NAV1: variants seen among roughly 807,000 people sequenced by gnomAD.
NAV1 encodes pore membrane and/or filament interacting like protein 3.
A neutral mutation model predicts 175.2 loss-of-function variants in NAV1; 18 were observed. That is an observed-to-expected ratio of 0.10 (90% CI 0.07 to 0.15). The LOEUF (loss-of-function observed/expected upper bound fraction) is 0.15, where lower values mean the gene tolerates loss of function less well. Ranked by LOEUF, NAV1 falls within the 10% of genes least tolerant of loss-of-function variation. The pLI is 1.00. For synonymous variants in NAV1, 897 were observed against 978.7 expected, an observed-to-expected ratio of 0.92 and a Z score of 1.56; for missense variants, 1,731 against 2,436.6, an observed-to-expected ratio of 0.71 and a Z score of 6.10.
intron 3 of NAV1, among the ~76,000 whole-genome samples, chr1:201,756,251 G>A (rs115353114): frequency 6.6e-6 from 1 of 152,048 alleles, no homozygotes; most frequent in Non-Finnish European, 1.5e-5. Context: ...ACAAATATGG[G>A]CATAATGCAG....
intron 1 of NAV1, among the ~76,000 whole-genome samples, chr1:201,582,309 C>T (rs995804918): frequency 1.3e-5 from 2 of 152,116 alleles, no homozygotes; most frequent in Non-Finnish European, 1.5e-5. Context: ...GAAGAGCTGA[C>T]GAGTCAAACA....
At position 201,815,039 on chromosome 1, in the gene NAV1, CA is replaced by C. The variant is rs554042432; in HGVS notation, c.5340+1798del. On this transcript the variant is annotated intron_variant, in intron 28 of 29. Transcript: ENST00000367296. ...TGGGTGACAGAGGGAGACTCTGTCT[CA>C]AAAAAAAAAAAAAAAAGTTAAAAAA... Among the ~76,000 whole-genome samples the C allele has an allele frequency of 3.3e-3, 248 of 76,120 alleles. 1 individual carries two copies. Among genetic ancestry groups the C allele is most frequent in the East Asian group, 0.026 (64 of 2,448 alleles). The allele number at this position is 76,120 out of a possible 152,430, so 49.9% of individuals were successfully genotyped here. A position where few individuals can be genotyped will look rare whatever the true frequency, so the allele number is the denominator to read the frequency against.
At chr1:201,603,876 T>C (rs617301) in intron 2 of NAV1, among the ~76,000 whole-genome samples, 47,539 of 152,018 alleles carry the variant, frequency 0.31, 8,814 homozygotes, top group East Asian at 0.54. Flanking sequence ...TTTCATCGCA[T>C]AGCCTTTCAA....
intron 1 of NAV1, among the ~76,000 whole-genome samples, chr1:201,659,544 T>C (rs1669529342): frequency 6.6e-6 from 1 of 152,108 alleles, no homozygotes; most frequent in African/African-American, 2.4e-5. Flanking sequence ...CACTTGAGCC[T>C]AGGAAGTTGA....
chr1:201,572,072 T>C (rs1297627901), intron 1 of NAV1, among the ~76,000 whole-genome samples: 1 of 152,202 alleles, frequency 6.6e-6, no homozygotes, highest in African/African-American at 2.4e-5. Flanking sequence ...AGGTCCTATA[T>C]GAGAGAGTGT....
At chr1:201,738,829 G>C (rs935177539) in intron 3 of NAV1, among the ~76,000 whole-genome samples, 1 of 152,180 alleles carries the variant, frequency 6.6e-6, no homozygotes, top group African/African-American at 2.4e-5. Flanking sequence ...AAATGCTACT[G>C]TTGTTTTTGT....
chr1:201,708,979 T>TAAAAA lies in NAV1; in HGVS notation c.758-3838_758-3837insAAAAA, dbSNP rs554225934. 7.2e-3 allele frequency among the ~76,000 whole-genome samples: 1,102 copies of TAAAAA among 152,028 alleles called. 3 individuals are homozygous for TAAAAA. The highest frequency in any genetic ancestry group is 0.032 in the South Asian group (156 of 4,812). On this transcript the variant is annotated intron_variant, in intron 1 of 29. Coordinates refer to ENST00000367296, the Ensembl canonical transcript of NAV1. ...GCTTGGGCAACATGGCAAAACCCCG[T>TAAAAA]CTCTACTAAAAATGCAAAAATTAGC...
rs140521210 is a variant in NAV1, at chr1:201,558,329, C to T, written c.-144+18987C>T. Among the ~76,000 whole-genome samples, 538 of 152,200 alleles carry T rather than the reference C, an allele frequency of 3.5e-3. 1 individual carries two copies. The highest frequency in any genetic ancestry group is 0.011 in the African/African-American group (472 of 41,530). ...TTTTGAAGAGTAGGCAGTGATTTTT[C>T]GGGGAAATGAATGAGCCCAGTGCTC... is the stretch of plus-strand genomic sequence containing the variant. On this transcript the variant is annotated intron_variant, in intron 1 of 33. Transcript: ENST00000685211.
chr1:201,634,176 A>G (rs147348303), intron 2 of NAV1, among the ~76,000 whole-genome samples: 1 of 152,372 alleles, frequency 6.6e-6, no homozygotes, highest in Admixed American at 6.5e-5. Context: ...ACCAGGGATG[A>G]TAACAGTGCT....
intron 3 of NAV1, among the ~76,000 whole-genome samples, chr1:201,749,162 ACT>A (rs753222986): frequency 1.3e-5 from 2 of 151,844 alleles, no homozygotes; most frequent in African/African-American, 2.4e-5. Context: ...AAAGAAAAAG[ACT>A]CTCTCTAACT....
chr1:201,763,056 TA>T (rs1674962777), intron 3 of NAV1, among the ~76,000 whole-genome samples: 1 of 152,194 alleles, frequency 6.6e-6, no homozygotes, highest in African/African-American at 2.4e-5. Context: ...CCCTCTCCAA[TA>T]AAAATATGGA....
intron 1 of NAV1, among the ~76,000 whole-genome samples, chr1:201,656,485 G>T (rs1230936701): frequency 1.3e-5 from 2 of 152,206 alleles, no homozygotes; most frequent in African/African-American, 4.8e-5. Context: ...TGTTTCCATG[G>T]AGAGCTGGGC....
At chr1:201,642,533 C>CTTTCTTTCT (rs1558031706) in intron 2 of NAV1, among the ~76,000 whole-genome samples, 1 of 107,880 alleles carries the variant, frequency 9.3e-6, no homozygotes, top group African/African-American at 4.2e-5. Flanking sequence ...TTTTTTCTTT[C>CTTTCTTTCT]TTTCTTTCTT....
chr1:201,595,507 G>A (rs1339002265), intron 2 of NAV1, among the ~76,000 whole-genome samples: 1 of 152,210 alleles, frequency 6.6e-6, no homozygotes, highest in Non-Finnish European at 1.5e-5. Flanking sequence ...GTGCCAAGGG[G>A]CGCCGAGTCT....
intron 1 of NAV1, among the ~76,000 whole-genome samples, chr1:201,623,892 T>C (rs547336379): frequency 1.3e-5 from 2 of 152,294 alleles, no homozygotes; most frequent in East Asian, 3.9e-4. Context: ...CCCTAAAATG[T>C]CCATTTTTGC....
At chr1:201,572,274 C>T (rs1666566766) in intron 1 of NAV1, among the ~76,000 whole-genome samples, 1 of 152,090 alleles carries the variant, frequency 6.6e-6, no homozygotes, top group Admixed American at 6.5e-5. Context: ...CCTAAGCTGG[C>T]TTCCATAGTT....
intron 3 of NAV1, among the ~76,000 whole-genome samples, chr1:201,753,132 A>C (rs1233372988): frequency 1.3e-5 from 2 of 152,312 alleles, no homozygotes; most frequent in East Asian, 3.9e-4. Context: ...TTCCCAAAGG[A>C]AACTTCTCTA....
chr1:201,774,876 T>C (rs1322897320), intron 3 of NAV1, among the ~76,000 whole-genome samples: 1 of 152,084 alleles, frequency 6.6e-6, no homozygotes, highest in African/African-American at 2.4e-5. Flanking sequence ...ATAATAGTGA[T>C]GAGATCATGG....
intron 1 of NAV1, among the ~76,000 whole-genome samples, chr1:201,667,405 G>T (rs956575572): frequency 2.0e-5 from 3 of 152,140 alleles, no homozygotes; most frequent in African/African-American, 7.2e-5. Flanking sequence ...GAGTGGGTGG[G>T]ACCATGTCAG....
Sources: gnomAD v4.1 joint callset for allele counts (sites outside exome capture counted in the v4.1 genomes callset) on GRCh38, gnomAD v4.1.1 for gene constraint, MANE v1.5 for transcripts, NCBI Gene and HGNC (gene_info 2026-07-23, HGNC 2026-07-21) for gene names.